PDYN: variants seen among roughly 807,000 people sequenced by gnomAD.
PDYN encodes the protein proenkephalin-B.
A neutral mutation model predicts 11.4 loss-of-function variants in PDYN; 5 were observed. The observed-to-expected ratio is 0.44, with a 90% CI of 0.23 to 0.92. The LOEUF is 0.92. Ranked by LOEUF, PDYN falls within the 40% of genes least tolerant of loss-of-function variation. The probability of loss-of-function intolerance (pLI) is 0.24; values close to 1 mark genes in which losing one functional copy is unlikely to be tolerated. For synonymous variants in PDYN, 132 were observed against 129.5 expected, an observed-to-expected ratio of 1.02 and a Z score of -0.13; for missense variants, 337 against 317.3, an observed-to-expected ratio of 1.06 and a Z score of -0.47.
intron 3 of PDYN, 64 bp from the exon 4 acceptor site, chr20:1,981,022 G>C (rs995811161): frequency 6.3e-7 from 1 of 1,591,532 alleles, no homozygotes; most frequent in Non-Finnish European, 8.6e-7. Flanking sequence ...GTCTGCCCCA[G>C]GCTCCCCTGT....
chr20:1,986,395 C>T (rs377108048), intron 2 of PDYN, among the ~76,000 whole-genome samples: 2 of 152,290 alleles, frequency 1.3e-5, no homozygotes, highest in African/African-American at 4.8e-5. Context: ...GAGTAGCCTC[C>T]AATCTTTCCC....
chr20:1,984,772 A>G (rs1354941493), intron 2 of PDYN, among the ~76,000 whole-genome samples: 1 of 151,970 alleles, frequency 6.6e-6, no homozygotes, highest in African/African-American at 2.4e-5. Context: ...AGTGGCATGT[A>G]CCTGTAGCCC....
chr20:1,990,673 T>C (rs1420740985), intron 2 of PDYN, among the ~76,000 whole-genome samples: 3 of 151,910 alleles, frequency 2.0e-5, no homozygotes, highest in Non-Finnish European at 1.5e-5. Context: ...ACTGCATATT[T>C]AAAAGAACGT....
Position 1,982,968 on chromosome 20 carries a change from A to G in PDYN, c.117T>C (p.Pro39=), listed in dbSNP as rs750922053. ...GCCTGAAACCTACCAGGGGATTGATAGGTTTGGGACCATCCTGGGTCTTTA... is the reference window on the plus strand; with the variant it reads ...GCCTGAAACCTACCAGGGGATTGATGGGTTTGGGACCATCCTGGGTCTTTA... The part of the protein sequence containing the change: ...CAVKTQDGPK[P]INPLICSLQC... The change falls in exon 3 of 4, where the codon CCT becomes CCC. Residue 39 remains proline (P), a synonymous_variant. Transcript: ENST00000217305. 1.9e-6 allele frequency: 3 copies of G among 1,613,740 alleles called. No individual in the cohort carries two copies. Among genetic ancestry groups the G allele is most frequent in the Admixed American group, 1.7e-5 (1 of 59,994 alleles).
At chr20:1,985,827 C>T (rs376608795) in intron 2 of PDYN, among the ~76,000 whole-genome samples, 1 of 152,134 alleles carries the variant, frequency 6.6e-6, no homozygotes. Context: ...CACCAGTGAG[C>T]CATACAAAGC....
chr20:1,993,229 T>C (rs970183860), intron 1 of PDYN, among the ~76,000 whole-genome samples: 1 of 152,122 alleles, frequency 6.6e-6, no homozygotes, highest in African/African-American at 2.4e-5. Context: ...CAACAAGTCC[T>C]TTCCAAGTAA....
Position 1,980,937 on chromosome 20 carries a change from C to T in PDYN, c.151G>A (p.Ala51Thr). ...CATTCCTCAGAGGGCAGCAGGGCAG[C>T]CTGGCATTGCAGGGAGCAAATCTGC... ...NPLICSLQCQ[A>T]ALLPSEEWER... Residue 51 changes from alanine to threonine, a missense_variant, in exon 4 of 4, where the codon GCT (alanine) becomes ACT (threonine). Ala to Thr is a moderately conservative substitution (Grantham distance 58). Transcript: ENST00000217305. 2 of 1,614,122 alleles carry T rather than the reference C, an allele frequency of 1.2e-6. No homozygotes were observed. Among genetic ancestry groups the T allele is most frequent in the Non-Finnish European group, 1.7e-6 (2 of 1,180,036 alleles).
chr20:1,985,257 C>A (rs183181874), intron 2 of PDYN, among the ~76,000 whole-genome samples: 74 of 152,252 alleles, frequency 4.9e-4, no homozygotes, highest in African/African-American at 1.4e-3. Context: ...TAGGCTCCCC[C>A]ACCAGAGCAT....
rs769876954 is a variant in PDYN, at chr20:1,980,840, C to T, written c.248G>A (p.Gly83Glu). 4 of 1,614,076 alleles carry T rather than the reference C, an allele frequency of 2.5e-6. No individual in the cohort carries two copies. Among genetic ancestry groups the T allele is most frequent in the African/African-American group, 1.3e-5 (1 of 74,928 alleles). The change falls in exon 4 of 4, where the codon GGG becomes GAG. Residue 83 changes from glycine to glutamate, a missense_variant. Transcript: ENST00000217305. ...TLGLNDKEDL[G>E]SKSVGEGPYS... ...GGGCCCTTCCCCAACCGACTTGCTC[C>T]CCAAGTCCTCCTTGTCATTGAGCCC... is the stretch of plus-strand genomic sequence containing the variant.
chr20:1,994,212 T>C (rs1997794), upstream of PDYN: 76,484 of 153,520 alleles, frequency 0.5, 21,476 homozygotes, highest in East Asian at 0.85. Flanking sequence ...TCCCTGGGCC[T>C]GACACAATAG....
rs1987710912 is a variant in PDYN, at chr20:1,980,746, A to G, written c.342T>C (p.Ser114=). ...KELEKSKFLP[S]ISTKENTLSK... is the part of the protein sequence containing the mutation. ...TCAGAGTGTTCTCCTTTGTTGAGAT[A>G]CTTGGGAGAAACTTGCTTTTCTCCA... The change falls in exon 4 of 4, where the codon AGT becomes AGC. Residue 114 remains serine (S), a synonymous_variant. Transcript: ENST00000217305. 1.2e-6 allele frequency: 2 copies of G among 1,614,022 alleles called. No individual in the cohort carries two copies. Among genetic ancestry groups the G allele is most frequent in the Admixed American group, 1.7e-5 (1 of 60,002 alleles).
chr20:1,994,117 C>G (rs886056538), upstream of PDYN: 4 of 153,280 alleles, frequency 2.6e-5, no homozygotes, highest in East Asian at 7.7e-4. Flanking sequence ...TCGCTCAGCC[C>G]TTGCTGAGCA....
chr20:1,990,151 G>A (rs1042376793), intron 2 of PDYN, among the ~76,000 whole-genome samples: 1 of 152,180 alleles, frequency 6.6e-6, no homozygotes, highest in Non-Finnish European at 1.5e-5. Flanking sequence ...AGTGGGTTGG[G>A]AACTATTAGT....
At chr20:1,989,041 G>A (rs1296163059) in intron 2 of PDYN, among the ~76,000 whole-genome samples, 1 of 152,142 alleles carries the variant, frequency 6.6e-6, no homozygotes, top group Non-Finnish European at 1.5e-5. Context: ...TTACTCTCTG[G>A]TCCTTTACAG....
chr20:1,982,831 C>T, intron 3 of PDYN, 125 bp downstream of exon 3: 2 of 1,023,742 alleles, frequency 2.0e-6, no homozygotes, highest in Non-Finnish European at 3.0e-6. Flanking sequence ...ACACCCACCA[C>T]CCTGCACAGG....
In PDYN at chr20:1,980,698, G is replaced by A; in HGVS notation, c.390C>T (p.Leu130=). Residue 130 remains leucine (L), a synonymous_variant, in exon 4 of 4, where the codon CTC becomes CTT. Transcript: ENST00000217305. ...NTLSKSLEEK[L]RGLSDGFREG... ...CCCTAAACCCGTCAGAGAGACCCCTGAGCTTCTCCTCCAGGCTCTTGCTCA... is the reference window on the plus strand; with the variant it reads ...CCCTAAACCCGTCAGAGAGACCCCTAAGCTTCTCCTCCAGGCTCTTGCTCA... 6.2e-7 allele frequency: 1 copy of A among 1,614,178 alleles called. No homozygotes were observed. Among genetic ancestry groups the A allele is most frequent in the Non-Finnish European group, 8.5e-7 (1 of 1,180,034 alleles).
Position 1,991,575 on chromosome 20 carries a change from G to A in PDYN, c.-20+1009C>T, listed in dbSNP as rs147856777. Among the ~76,000 whole-genome samples the A allele has an allele frequency of 3.9e-5, 6 of 152,328 alleles. No homozygotes were observed. In the East Asian group the frequency reaches 7.7e-4, roughly 20 times the overall value. On this transcript the variant is annotated intron_variant, in intron 2 of 3. Coordinates refer to ENST00000217305, the MANE Select transcript of PDYN (RefSeq NM_024411.5). ...CCGATGTTCACTGCCTACCACAGTG[G>A]CCAGCTCTGTCTCAGTGAAACAGGT...
At position 1,980,792 on chromosome 20, in the gene PDYN, G is replaced by A. The variant is rs1288133628; in HGVS notation, c.296C>T (p.Ser99Phe). 2 of 1,614,184 alleles carry A rather than the reference G, an allele frequency of 1.2e-6. No homozygotes were observed. The highest frequency in any genetic ancestry group is 3.3e-5 in the Admixed American group (2 of 60,022). Residue 99 changes from serine (S) to phenylalanine (F), a missense_variant, in exon 4 of 4, where the codon TCT (serine) becomes TTT (phenylalanine). Transcript: ENST00000217305. ...EGPYSELAKL[S>F]GSFLKELEKS... ...CTCCAGCTCCTTCAGGAATGACCCA[G>A]AGAGCTTGGCCAGCTCACTGTAGGG...
intron 2 of PDYN, among the ~76,000 whole-genome samples, chr20:1,989,635 T>C (rs929734953): frequency 1.3e-5 from 2 of 152,210 alleles, no homozygotes; most frequent in Admixed American, 1.3e-4. Context: ...GGAATAATAA[T>C]GGCTTGATTT....
Sources: gnomAD v4.1 joint callset for allele counts (sites outside exome capture counted in the v4.1 genomes callset) on GRCh38, gnomAD v4.1.1 for gene constraint, MANE v1.5 for transcripts, NCBI Gene and HGNC (gene_info 2026-07-23, HGNC 2026-07-21) for gene names.